The following CDS2 variants were observed in gnomAD, a reference collection of about 807,000 sequenced individuals.
The protein encoded by CDS2 is phosphatidate cytidylyltransferase 2.
A neutral mutation model predicts 59.0 loss-of-function variants in CDS2; 47 were observed. The observed-to-expected ratio is 0.80, with a 90% CI of 0.63 to 1.02. The LOEUF (loss-of-function observed/expected upper bound fraction) is 1.02. CDS2 is among the 50% of genes least tolerant of loss of function. The pLI is 0.00. For missense variants in CDS2, 356 were observed against 558.9 expected (o/e 0.64, Z 3.66); for synonymous variants, 207 against 206.4 (o/e 1.00, Z -0.02).
At chr20:5,179,431 C>G (rs2091017754) in intron 5 of CDS2, among the ~76,000 whole-genome samples, 1 of 152,208 alleles carries the variant, frequency 6.6e-6, no homozygotes, top group Non-Finnish European at 1.5e-5. Flanking sequence ...CTTGTAGGAG[C>G]TCTTTTAAGA....
chr20:5,188,668 C>T (rs902270538), intron 10 of CDS2, among the ~76,000 whole-genome samples: 4 of 152,168 alleles, frequency 2.6e-5, no homozygotes, highest in Non-Finnish European at 5.9e-5. Context: ...AAGAGGTTTA[C>T]TTAGCTTCTT....
chr20:5,177,439 G>T (rs973181215), intron 4 of CDS2, among the ~76,000 whole-genome samples: 5 of 152,038 alleles, frequency 3.3e-5, no homozygotes, highest in Admixed American at 6.5e-5. Context: ...TGGGAAAGTT[G>T]GCTTTCTCCG....
chr20:5,133,249 TA>T (rs2090622628), intron 1 of CDS2, among the ~76,000 whole-genome samples: 1 of 152,220 alleles, frequency 6.6e-6, no homozygotes, highest in Non-Finnish European at 1.5e-5. Context: ...GAAGGGACTT[TA>T]AAGGTGTTTT....
At chr20:5,185,083 G>A (rs2123061740) in intron 8 of CDS2, 138 bp downstream of exon 8, 3 of 673,608 alleles carry the variant, frequency 4.5e-6, no homozygotes, top group Non-Finnish European at 7.9e-6. Context: ...CTGGAGAAAG[G>A]CCAAAGGAAA....
At chr20:5,161,584 C>A (rs896326080) in intron 1 of CDS2, among the ~76,000 whole-genome samples, 2 of 152,228 alleles carry the variant, frequency 1.3e-5, no homozygotes, top group African/African-American at 4.8e-5. Flanking sequence ...CCAGTATAGA[C>A]ATAGTTTTAT....
At chr20:5,157,477 C>T (rs1257619790) in intron 1 of CDS2, among the ~76,000 whole-genome samples, 1 of 152,082 alleles carries the variant, frequency 6.6e-6, no homozygotes, top group Non-Finnish European at 1.5e-5. Context: ...CTGGAAGATG[C>T]GGGACCTGGG....
rs191577622 is a variant in CDS2, at chr20:5,151,744, C to A, written c.58-21779C>A. On this transcript the variant is annotated intron_variant, in intron 1 of 12. Coordinates refer to ENST00000460006, the MANE Select transcript of CDS2 (RefSeq NM_003818.4). ...TGAGCCACCATGCCTGGCCTAGACTCCATGTCTTTTTTTTTTTTTTTTTTT... is the reference window on the plus strand; with the variant it reads ...TGAGCCACCATGCCTGGCCTAGACTACATGTCTTTTTTTTTTTTTTTTTTT... Among the ~76,000 whole-genome samples, 272 of 144,560 alleles carry A rather than the reference C, an allele frequency of 1.9e-3. 2 individuals are homozygous for A. Among genetic ancestry groups the A allele is most frequent in the African/African-American group, 6.6e-3 (254 of 38,634 alleles). 94.8% of individuals were successfully genotyped at this position (144,560 alleles called of 152,430 possible).
rs754500134 is a variant in CDS2, at chr20:5,189,126, G to A, written c.1041G>A (p.Ser347=). The A allele has an allele frequency of 6.2e-6, 10 of 1,613,912 alleles. No homozygotes were observed. The East Asian group carries it at 6.7e-5, about 11-fold the overall frequency. Residue 347 remains serine (S), a synonymous_variant, in exon 11 of 13, where the codon TCG becomes TCA. Coordinates refer to ENST00000460006, the MANE Select transcript of CDS2 (RefSeq NM_003818.4). ...IHSIALSTFA[S]LIGPFGGFFA... ...GCATCGCTCTCTCCACCTTTGCCTC[G>A]CTCATTGGCCCCTTTGGAGGATTCT...
rs2091063512 is a variant in CDS2, at chr20:5,185,827, G to A, written c.828+1G>A. 5.0e-6 allele frequency: 8 copies of A among 1,614,032 alleles called. No homozygotes were observed. Among genetic ancestry groups the A allele is most frequent in the Non-Finnish European group, 6.8e-6 (8 of 1,179,984 alleles). The stretch of plus-strand genomic sequence containing the variant: ...TGCTACTGTGGTGTTTGGCCTTCTG[G>A]TAGGTGGTGGCTTTCAGCTGTGTAA... On this transcript the variant is annotated splice_donor_variant, in intron 9 of 12. Transcript: ENST00000460006. LOFTEE classifies it high-confidence loss of function.
intron 1 of CDS2, among the ~76,000 whole-genome samples, chr20:5,136,500 C>T (rs6139638): frequency 1.3e-5 from 2 of 152,156 alleles, no homozygotes; most frequent in Non-Finnish European, 2.9e-5. Flanking sequence ...CTGCAGTATC[C>T]TAAATCCGAA....
At chr20:5,131,536 A>G (rs1351806214) in intron 1 of CDS2, among the ~76,000 whole-genome samples, 1 of 152,230 alleles carries the variant, frequency 6.6e-6, no homozygotes, top group East Asian at 1.9e-4. Context: ...GTTAGCGTAT[A>G]GGTTCTGGGG....
chr20:5,171,990 T>C (rs920896247), intron 1 of CDS2, among the ~76,000 whole-genome samples: 1 of 152,178 alleles, frequency 6.6e-6, no homozygotes, highest in African/African-American at 2.4e-5. Context: ...ATCTGTTTTG[T>C]TTTTCTGTTT....
At chr20:5,130,639 C>T (rs529035014) in intron 1 of CDS2, among the ~76,000 whole-genome samples, 8 of 151,998 alleles carry the variant, frequency 5.3e-5, no homozygotes, top group East Asian at 2.0e-4. Flanking sequence ...CAAAATTAGC[C>T]GGGCGTGGTG....
intron 1 of CDS2, among the ~76,000 whole-genome samples, chr20:5,158,070 C>A (rs1002627393): frequency 6.6e-6 from 1 of 151,210 alleles, no homozygotes; most frequent in Non-Finnish European, 1.5e-5. Flanking sequence ...TATCAGCTAT[C>A]GTTAGTGTTA....
chr20:5,130,793 A>G (rs1600461289), intron 1 of CDS2, among the ~76,000 whole-genome samples: 1 of 145,696 alleles, frequency 6.9e-6, no homozygotes, highest in African/African-American at 2.5e-5. Context: ...GTCTTAAAAG[A>G]AAAGAAAAGC....
chr20:5,135,517 A>G (rs2090643157), intron 1 of CDS2, among the ~76,000 whole-genome samples: 1 of 152,168 alleles, frequency 6.6e-6, no homozygotes. Flanking sequence ...AATTTTGCCA[A>G]AGTCTCCTTG....
intron 4 of CDS2, among the ~76,000 whole-genome samples, chr20:5,178,252 A>G (rs1474247789): frequency 6.6e-6 from 1 of 152,210 alleles, no homozygotes; most frequent in South Asian, 2.1e-4. Flanking sequence ...TCAGATAATC[A>G]CATATTACTT....
chr20:5,166,264 C>G (rs2090912972), intron 1 of CDS2, among the ~76,000 whole-genome samples: 1 of 152,144 alleles, frequency 6.6e-6, no homozygotes, highest in Admixed American at 6.5e-5. Flanking sequence ...GGTGACAGAT[C>G]TACAAGCTGA....
intron 1 of CDS2, among the ~76,000 whole-genome samples, chr20:5,169,877 C>T (rs1407089276): frequency 2.0e-5 from 3 of 152,144 alleles, no homozygotes; most frequent in Non-Finnish European, 2.9e-5. Flanking sequence ...AAATGCTGTG[C>T]CCAGATCATT....
Sources: gnomAD v4.1 joint callset for allele counts (sites outside exome capture counted in the v4.1 genomes callset) on GRCh38, gnomAD v4.1.1 for gene constraint, MANE v1.5 for transcripts, NCBI Gene and HGNC (gene_info 2026-07-23, HGNC 2026-07-21) for gene names.